The following DHX40 variants were observed in gnomAD, a reference collection of about 807,000 sequenced individuals.
The protein encoded by DHX40 is DEAH-box helicase 40, also known as probable ATP-dependent RNA helicase DHX40.
DHX40 carries 28 observed loss-of-function variants against 89.6 expected under a neutral mutation model. The observed-to-expected ratio is 0.31, with a 90% confidence interval of 0.23 to 0.43. The LOEUF (loss-of-function observed/expected upper bound fraction) is 0.43, where lower values mean the gene tolerates loss of function less well. Ranked by LOEUF, DHX40 falls within the 20% of genes least tolerant of loss-of-function variation. The pLI is 1.00. For missense variants in DHX40, 457 were observed against 844.0 expected (o/e 0.54, Z 5.68); for synonymous variants, 226 against 283.6 (o/e 0.80, Z 2.04).
chr17:59,581,158 T>G (rs1163578531), intron 10 of DHX40, among the ~76,000 whole-genome samples: 19 of 146,298 alleles, frequency 1.3e-4, no homozygotes, highest in African/African-American at 4.9e-4. Context: ...CATCATACTA[T>G]ATACCATGAA....
At chr17:59,604,627 A>T (rs2030731821) in intron 15 of DHX40, 1 of 154,102 alleles carries the variant, frequency 6.5e-6, no homozygotes, top group African/African-American at 2.4e-5. Flanking sequence ...AAGGGCATGA[A>T]TCGGAAAAAT....
At chr17:59,605,836 G>A in intron 17 of DHX40, 162 bp downstream of exon 17, 2 of 728,620 alleles carry the variant, frequency 2.7e-6, no homozygotes, top group Non-Finnish European at 4.8e-6. Flanking sequence ...ATGTTGGTGT[G>A]CACCTGTAGT....
chr17:59,573,762 A>G lies in DHX40; in HGVS notation c.569A>G (p.Lys190Arg). The stretch of plus-strand genomic sequence containing the variant: ...CAGGATATCTTATTTGGTTTATTGA[A>G]GAAGCTATTTCAGGAGAAGTCTCCT... The part of the protein sequence containing the change: ...LTTDILFGLL[K>R]KLFQEKSPNR... Residue 190 changes from lysine to arginine, a missense_variant, in exon 5 of 18, where the codon AAG becomes AGG. By Grantham distance (26) the Lys-to-Arg change is conservative. This residue lies in a region of DHX40 where 116 missense variants were observed against 188.9 expected (regional missense o/e 0.61). Coordinates refer to ENST00000251241, the MANE Select transcript of DHX40 (RefSeq NM_024612.5). 1 of 1,614,034 alleles carries G rather than the reference A, an allele frequency of 6.2e-7. No homozygotes were observed. The highest frequency in any genetic ancestry group is 2.2e-5 in the East Asian group (1 of 44,836).
At chr17:59,569,906 T>C (rs1023539802) in intron 2 of DHX40, among the ~76,000 whole-genome samples, 19 of 145,104 alleles carry the variant, frequency 1.3e-4, no homozygotes, top group Non-Finnish European at 3.0e-5. Flanking sequence ...TAGCCCGGCA[T>C]GGTGGCACAT....
intron 3 of DHX40, among the ~76,000 whole-genome samples, chr17:59,571,153 T>C (rs893504417): frequency 6.6e-6 from 1 of 152,166 alleles, no homozygotes; most frequent in Non-Finnish European, 1.5e-5. Context: ...TACAATTCAG[T>C]GCCATTAAGT....
chr17:59,567,132 G>C (rs965738523), intron 2 of DHX40, among the ~76,000 whole-genome samples: 1 of 152,218 alleles, frequency 6.6e-6, no homozygotes, highest in Non-Finnish European at 1.5e-5. Flanking sequence ...TGTGATATCT[G>C]TTGCTGCCAT....
chr17:59,579,085 A>G (rs1301651919), intron 8 of DHX40, among the ~76,000 whole-genome samples: 6 of 119,214 alleles, frequency 5.0e-5, no homozygotes, highest in Non-Finnish European at 5.2e-5. Flanking sequence ...CCCTTCTTCC[A>G]TTAATGGTTA....
chr17:59,606,285 T>G (rs920414327), intron 17 of DHX40, among the ~76,000 whole-genome samples: 1 of 152,164 alleles, frequency 6.6e-6, no homozygotes, highest in Admixed American at 6.5e-5. Flanking sequence ...GTTGTGGTAC[T>G]GAAATAGGAC....
rs150159668 is a variant in DHX40 at position 59,577,291 on chromosome 17, A to G, written c.999A>G (p.Pro333=). 9.5e-5 allele frequency: 153 copies of G among 1,613,718 alleles called. No homozygotes were observed. Among genetic ancestry groups the G allele is most frequent in the Non-Finnish European group, 1.1e-4 (134 of 1,179,798 alleles). ...TTDQQRRIFL[P]PPPGIRKCVI... Reference sequence around the variant, plus strand: ...ATCAACAGAGGAGGATATTTTTGCCACCACCACCTGGAATTAGAAAATGTG... The same window carrying G: ...ATCAACAGAGGAGGATATTTTTGCCGCCACCACCTGGAATTAGAAAATGTG... The change falls in exon 8 of 18, where the codon CCA becomes CCG. Residue 333 remains proline (P), a synonymous_variant. Coordinates refer to ENST00000251241, the MANE Select transcript of DHX40 (RefSeq NM_024612.5).
In DHX40 at chr17:59,607,518, G is replaced by A. The variant is rs2030940275; in HGVS notation, c.*346G>A. ...GAACATTGAGTTGTATTTAATCAGC[G>A]TGTACTCCATTTGCATTGAAGCATT... On this transcript the variant is annotated 3_prime_UTR_variant, in exon 18 of 18. Coordinates refer to ENST00000251241, the MANE Select transcript of DHX40 (RefSeq NM_024612.5). 1.9e-5 allele frequency: 10 copies of A among 535,268 alleles called. No homozygotes were observed. Among genetic ancestry groups the A allele is most frequent in the Non-Finnish European group, 2.3e-5 (7 of 301,576 alleles). The allele number at this position is 535,268 out of a possible 1,614,324, so 33.2% of individuals were successfully genotyped here. A position where few individuals can be genotyped will look rare whatever the true frequency, so the allele number is the denominator to read the frequency against.
rs1402095538 is a variant in DHX40, at chr17:59,608,252, C to CT, written c.*1083dup. The CT allele has an allele frequency of 6.5e-6, 1 of 152,684 alleles. No individual in the cohort carries two copies. The highest frequency in any genetic ancestry group is 2.4e-5 in the African/African-American group (1 of 41,440). The allele number at this position is 152,684 out of a possible 1,614,324, so 9.5% of individuals were successfully genotyped here. A position where few individuals can be genotyped will look rare whatever the true frequency, so the allele number is the denominator to read the frequency against. Reference sequence around the variant, plus strand: ...GGGCAGGGACTGTGTCTTTTTTCATCTTTGTATCTTTCATGCACCTAGCAT... The same window carrying CT: ...GGGCAGGGACTGTGTCTTTTTTCATCTTTTGTATCTTTCATGCACCTAGCAT... On this transcript the variant is annotated 3_prime_UTR_variant, in exon 18 of 18. Transcript: ENST00000251241.
At chr17:59,575,302 G>T in intron 6 of DHX40, 38 bp from the exon 7 acceptor site, 8 of 1,457,132 alleles carry the variant, frequency 5.5e-6, no homozygotes, top group Non-Finnish European at 7.4e-6. Flanking sequence ...TAATTTTTCT[G>T]TTCAGTTGCT....
At position 59,570,571 on chromosome 17, in the gene DHX40, A is replaced by G. The variant is rs754573837; in HGVS notation, c.334A>G (p.Ile112Val). ...AACTCAACCACGAAAAGTAGCTGCTATATCAGTTGCTCAGAGAGTAGCTGA... is the reference window on the plus strand; with the variant it reads ...AACTCAACCACGAAAAGTAGCTGCTGTATCAGTTGCTCAGAGAGTAGCTGA... Reference protein sequence around the residue: ...GVTQPRKVAAISVAQRVAEEM... With the variant: ...GVTQPRKVAAVSVAQRVAEEM... The change falls in exon 3 of 18, where the codon ATA (isoleucine) becomes GTA (valine). Residue 112 changes from isoleucine to valine, a missense_variant. Ile to Val is a conservative substitution (Grantham distance 29). Around this residue, in one of 9 missense-constraint regions of DHX40, gnomAD observed 61 missense variants for 100.4 expected, o/e 0.61. Transcript: ENST00000251241. 14 of 1,610,466 alleles carry G rather than the reference A, an allele frequency of 8.7e-6. No homozygotes were observed. The East Asian group carries it at 1.3e-4, about 16-fold the overall frequency.
At chr17:59,571,949 G>A (rs907394710) in intron 3 of DHX40, among the ~76,000 whole-genome samples, 70 of 152,040 alleles carry the variant, frequency 4.6e-4, no homozygotes, top group African/African-American at 1.7e-3. Context: ...ACAATATTTT[G>A]TACTTCGTGT....
At chr17:59,593,634 C>T (rs1470673762) in intron 12 of DHX40, among the ~76,000 whole-genome samples, 1 of 70,150 alleles carries the variant, frequency 1.4e-5, no homozygotes, top group Non-Finnish European at 2.6e-5. Context: ...CATCACCATG[C>T]CTGGCTAATT....
At chr17:59,591,685 C>A (rs2049085006) in intron 12 of DHX40, among the ~76,000 whole-genome samples, 1 of 151,340 alleles carries the variant, frequency 6.6e-6, no homozygotes, top group South Asian at 2.1e-4. Flanking sequence ...CATTTTACCC[C>A]CTTTGCTTTA....
intron 12 of DHX40, among the ~76,000 whole-genome samples, chr17:59,594,033 G>A (rs576712516): frequency 2.6e-5 from 4 of 152,070 alleles, no homozygotes; most frequent in Non-Finnish European, 2.9e-5. Context: ...CATGGTTGAG[G>A]GAGTTGATGA....
intron 10 of DHX40, among the ~76,000 whole-genome samples, chr17:59,581,786 CA>C (rs199937069): frequency 1.8e-5 from 2 of 113,982 alleles, no homozygotes; most frequent in African/African-American, 4.0e-5. Flanking sequence ...CCAAAAAAAG[CA>C]AAAAAAAACC....
Position 59,605,120 on chromosome 17 carries a change from T to A in DHX40, c.1907T>A (p.Val636Asp). The change falls in exon 16 of 18, where the codon GTT becomes GAT. Residue 636 changes from valine (V) to aspartate (D), a missense_variant. Around this residue, in one of 9 missense-constraint regions of DHX40, gnomAD observed 32 missense variants for 60.0 expected, o/e 0.53. Transcript: ENST00000251241. ...TTTTGTTTTTCTGTTTATAGATCTG[T>A]TGGGAGAACGTTTTGCACAATGGAT... is the stretch of plus-strand genomic sequence containing the variant. ...GYFKNVARRS[V>D]GRTFCTMDGR... 1 of 1,614,084 alleles carries A rather than the reference T, an allele frequency of 6.2e-7. No individual in the cohort carries two copies. The highest frequency in any genetic ancestry group is 8.5e-7 in the Non-Finnish European group (1 of 1,179,970).
Sources: gnomAD v4.1 joint callset for allele counts (sites outside exome capture counted in the v4.1 genomes callset) on GRCh38, gnomAD v4.1.1 for gene constraint, gnomAD v4.1.1 regional missense constraint, MANE v1.5 for transcripts, NCBI Gene and HGNC (gene_info 2026-07-23, HGNC 2026-07-21) for gene names.